Variants in BAG3 observed in about 807,000 individuals in gnomAD.
BAG3 encodes BAG family molecular chaperone regulator 3.
BAG3 carries 14 observed loss-of-function variants against 40.5 expected under a neutral mutation model. That is an observed-to-expected ratio of 0.35 (90% CI 0.23 to 0.54). The LOEUF is 0.54. Among genes scored for constraint, BAG3 ranks in the 20% least tolerant of loss-of-function variants. The pLI is 0.91. For synonymous variants in BAG3, 302 were observed against 307.8 expected (o/e 0.98, Z 0.20); for missense variants, 788 against 758.6 (o/e 1.04, Z -0.46).
chr10:119,665,092 T>TTTGTGTGTGTGTGTG (rs1554876558), intron 1 of BAG3, among the ~76,000 whole-genome samples: 175 of 87,828 alleles, frequency 2.0e-3, no homozygotes, highest in Non-Finnish European at 2.7e-3. Context: ...TAATTTTTGT[T>TTTGTGTGTGTGTGTG]TGTGTGTGTG....
At position 119,672,135 on chromosome 10, in the gene BAG3, A is replaced by C; in HGVS notation, c.508-120A>C. 4.4e-6 allele frequency: 6 copies of C among 1,358,046 alleles called. No homozygotes were observed. The highest frequency in any genetic ancestry group is 3.1e-6 in the Non-Finnish European group (3 of 964,444). 84.1% of individuals were successfully genotyped at this position (1,358,046 alleles called of 1,614,324 possible). Reference sequence around the variant, plus strand: ...GCACATTTTGAAAATTGAAAATTACAGATAGGAGGTCTTACAATATGGATT... The same window carrying C: ...GCACATTTTGAAAATTGAAAATTACCGATAGGAGGTCTTACAATATGGATT... On this transcript the variant is annotated intron_variant, in intron 2 of 3. Coordinates refer to ENST00000369085, the MANE Select transcript of BAG3 (RefSeq NM_004281.4). This position sits in a 1 kb window ranked among gnomAD's most constrained non-coding sequence, Gnocchi z 4.8.
intron 1 of BAG3, among the ~76,000 whole-genome samples, chr10:119,659,453 G>A (rs1012923695): frequency 5.3e-5 from 8 of 152,172 alleles, no homozygotes; most frequent in Admixed American, 3.9e-4. Context: ...AGCTCTCAGG[G>A]GTGTAAATGT....
rs1846838922 is a variant in BAG3, at chr10:119,651,554, G to GGC, written c.-119_-118dup. 4 of 958,308 alleles carry GGC rather than the reference G, an allele frequency of 4.2e-6. No individual in the cohort carries two copies. Among genetic ancestry groups the GGC allele is most frequent in the Non-Finnish European group, 5.6e-6 (4 of 712,100 alleles). The allele number at this position is 958,308 out of a possible 1,614,324, so 59.4% of individuals were successfully genotyped here. A position where few individuals can be genotyped will look rare whatever the true frequency, so the allele number is the denominator to read the frequency against. On this transcript the variant is annotated 5_prime_UTR_variant, in exon 1 of 4. Coordinates refer to ENST00000369085, the MANE Select transcript of BAG3 (RefSeq NM_004281.4). ...CCGCCTTTAATTCATAAAGGTGCCC[G>GGC]GCGCCGGCTTCCCGGACACGTCGGC...
In BAG3 at chr10:119,672,354, C is replaced by A. The variant is rs1047671466; in HGVS notation, c.607C>A (p.Arg203=). 3 of 1,614,086 alleles carry A rather than the reference C, an allele frequency of 1.9e-6. No homozygotes were observed. In the African/African-American group the frequency reaches 4.0e-5, roughly 22 times the overall value. The part of the protein sequence containing the change: ...RSSLGSHQLP[R]GYISIPVIHE... ...CAGCCTGGGCAGTCACCAGCTCCCGCGGGGGTACATCTCCATTCCGGTGAT... is the reference window on the plus strand; with the variant it reads ...CAGCCTGGGCAGTCACCAGCTCCCGAGGGGGTACATCTCCATTCCGGTGAT... Residue 203 remains arginine (R), a synonymous_variant, in exon 3 of 4, where the codon CGG becomes AGG. Transcript: ENST00000369085. The surrounding 1 kb of genome is among the most constrained non-coding windows in gnomAD (Gnocchi z 4.8).
chr10:119,662,109 A>G (rs1589624838), intron 1 of BAG3, among the ~76,000 whole-genome samples: 1 of 151,642 alleles, frequency 6.6e-6, no homozygotes, highest in African/African-American at 2.4e-5. Flanking sequence ...GTGCAATGGC[A>G]TGATCTCAGC....
At chr10:119,651,895 C>T (rs2134050734) in intron 1 of BAG3, 40 bp downstream of exon 1, 2 of 1,469,642 alleles carry the variant, frequency 1.4e-6, no homozygotes, top group East Asian at 6.0e-5. Flanking sequence ...GGTGGCGCCA[C>T]CTCGACGGCA....
At position 119,655,246 on chromosome 10, in the gene BAG3, C is replaced by T. The variant is rs11199061; in HGVS notation, c.180+3391C>T. On this transcript the variant is annotated intron_variant, in intron 1 of 3. Transcript: ENST00000369085. ...TATGGGGATGACATGGGAAGCGAGC[C>T]GAGACAGCACCTTGCAAAGTCTGGC... is the stretch of plus-strand genomic sequence containing the variant. Among the ~76,000 whole-genome samples the T allele has an allele frequency of 2.0e-5, 3 of 152,036 alleles. No individual in the cohort carries two copies. The South Asian group carries it at 6.2e-4, about 32-fold the overall frequency.
chr10:119,664,898 T>C (rs1847037452), intron 1 of BAG3, among the ~76,000 whole-genome samples: 2 of 152,132 alleles, frequency 1.3e-5, no homozygotes, highest in Admixed American at 1.3e-4. Flanking sequence ...AATTTAACTC[T>C]TCCAGGTGGT....
intron 2 of BAG3, 54 bp downstream of exon 2, chr10:119,670,231 C>G: frequency 6.4e-7 from 1 of 1,552,448 alleles, no homozygotes; most frequent in Non-Finnish European, 8.6e-7. Context: ...CTGTGCTTCC[C>G]AGGCCGGGCC....
chr10:119,658,054 A>G (rs112064699), intron 1 of BAG3, among the ~76,000 whole-genome samples: 212 of 152,388 alleles, frequency 1.4e-3, no homozygotes, highest in Non-Finnish European at 1.9e-3. Flanking sequence ...GAGACTTTTT[A>G]CGGAAAATTC....
chr10:119,677,289 C>T lies in BAG3; in HGVS notation c.*7C>T. 6.2e-7 allele frequency: 1 copy of T among 1,613,684 alleles called. No homozygotes were observed. Among genetic ancestry groups the T allele is most frequent in the Non-Finnish European group, 8.5e-7 (1 of 1,180,010 alleles). On this transcript the variant is annotated 3_prime_UTR_variant, in exon 4 of 4. Transcript: ENST00000369085. The stretch of plus-strand genomic sequence containing the variant: ...TAACCCAGCAGCACCGTAGCCTCTG[C>T]CCTGTAAAAATCAGACTCGGAACCG...
chr10:119,655,772 A>G (rs1846901511), intron 1 of BAG3, among the ~76,000 whole-genome samples: 1 of 152,116 alleles, frequency 6.6e-6, no homozygotes, highest in Non-Finnish European at 1.5e-5. Context: ...TCCCCTCTGA[A>G]GAACAGCCTG....
In BAG3 at chr10:119,651,630, G is replaced by GCCAGCGCCCCGCACCCGCGCC; in HGVS notation, c.-39_-19dup. The GCCAGCGCCCCGCACCCGCGCC allele has an allele frequency of 6.8e-7, 1 of 1,475,398 alleles. No individual in the cohort carries two copies. The highest frequency in any genetic ancestry group is 9.0e-7 in the Non-Finnish European group (1 of 1,109,504). 91.4% of individuals were successfully genotyped at this position (1,475,398 alleles called of 1,614,324 possible). ...CCCGGCCAGAGACTCGGCGCCCGGAGCCAGCGCCCCGCACCCGCGCCCCAG... is the reference window on the plus strand; with the variant it reads ...CCCGGCCAGAGACTCGGCGCCCGGAGCCAGCGCCCCGCACCCGCGCCCCAGCGCCCCGCACCCGCGCCCCAG... On this transcript the variant is annotated 5_prime_UTR_variant, in exon 1 of 4. Coordinates refer to ENST00000369085, the MANE Select transcript of BAG3 (RefSeq NM_004281.4).
At chr10:119,675,958 C>G (rs985816397) in intron 3 of BAG3, among the ~76,000 whole-genome samples, 22 of 85,304 alleles carry the variant, frequency 2.6e-4, no homozygotes, top group Middle Eastern at 5.7e-3. Context: ...CAGGATCTCG[C>G]TCTGTCACTC....
rs993280178 is a variant in BAG3, at chr10:119,677,624, A to G, written c.*342A>G. The G allele has an allele frequency of 1.2e-4, 41 of 354,262 alleles. No homozygotes were observed. The highest frequency in any genetic ancestry group is 2.9e-4 in the African/African-American group (14 of 48,882). The allele number at this position is 354,262 out of a possible 1,614,324, so 21.9% of individuals were successfully genotyped here. On this transcript the variant is annotated 3_prime_UTR_variant, in exon 4 of 4. Coordinates refer to ENST00000369085, the MANE Select transcript of BAG3 (RefSeq NM_004281.4). ...GACTGGAGGGGTAGATGGGGAGTCAATTACCCATCACATAAATATGAAACA... is the reference window on the plus strand; with the variant it reads ...GACTGGAGGGGTAGATGGGGAGTCAGTTACCCATCACATAAATATGAAACA...
intron 1 of BAG3, among the ~76,000 whole-genome samples, chr10:119,655,118 G>A (rs902817049): frequency 2.0e-5 from 3 of 152,190 alleles, no homozygotes; most frequent in East Asian, 1.9e-4. Context: ...GAGGAGCTGC[G>A]GCTTAGTGCC....
chr10:119,672,617 C>G lies in BAG3; in HGVS notation c.870C>G (p.Pro290=), dbSNP rs140737221. ...GGAGCAGCACGCCACTCCACTCCCC[C>G]TCGCCCATCCGTGTGCACACCGTGG... ...PARSSTPLHS[P]SPIRVHTVVD... Residue 290 remains proline, a synonymous_variant, in exon 3 of 4, where the codon CCC becomes CCG. Transcript: ENST00000369085. The surrounding 1 kb of genome is among the most constrained non-coding windows in gnomAD (Gnocchi z 4.8). 1.4e-4 allele frequency: 221 copies of G among 1,614,088 alleles called. No individual in the cohort carries two copies. In the African/African-American group the frequency reaches 1.8e-3, roughly 13 times the overall value.
chr10:119,670,281 A>T (rs896294383), intron 2 of BAG3, 104 bp downstream of exon 2: 5 of 1,275,462 alleles, frequency 3.9e-6, no homozygotes, highest in Admixed American at 5.5e-5. Flanking sequence ...GCACCTGTTC[A>T]CATGCAGGGC....
At chr10:119,665,694 G>A (rs1444871441) in intron 1 of BAG3, among the ~76,000 whole-genome samples, 3 of 152,306 alleles carry the variant, frequency 2.0e-5, no homozygotes, top group African/African-American at 4.8e-5. Context: ...CTCATTACGG[G>A]TGGGAGTTTC....
Sources: allele counts gnomAD v4.1 joint callset (sites outside exome capture counted in the v4.1 genomes callset), GRCh38; gene constraint gnomAD v4.1.1; non-coding constraint Gnocchi (gnomAD v3.1); transcripts MANE v1.5; gene names NCBI Gene and HGNC (gene_info 2026-07-23, HGNC 2026-07-21).